The following LAMC1 variants were observed in gnomAD, a reference collection of about 807,000 sequenced individuals.
The protein encoded by LAMC1 is laminin subunit gamma 1, also known as laminin subunit gamma-1.
Under a neutral mutation model 173.6 loss-of-function variants are expected in LAMC1, and 38 were observed. The ratio of observed to expected loss-of-function variants is 0.22; its 90% confidence interval spans 0.17 to 0.29. The LOEUF (loss-of-function observed/expected upper bound fraction) is 0.29, where lower values mean the gene tolerates loss of function less well. LAMC1 is among the 10% of genes least tolerant of loss of function. The pLI is 1.00. For missense variants in LAMC1, 1,824 were observed against 2,051.8 expected (o/e 0.89, Z 2.14); for synonymous variants, 746 against 749.1 (o/e 1.00, Z 0.07).
intron 6 of LAMC1, among the ~76,000 whole-genome samples, chr1:183,116,129 C>CAA (rs10689019): frequency 0.5 from 63,608 of 126,710 alleles, 16,091 homozygotes; most frequent in South Asian, 0.65. Flanking sequence ...GACTCTGTCT[C>CAA]AAAAAAAAAA....
intron 11 of LAMC1, 93 bp downstream of exon 11, chr1:183,118,239 T>C (rs751088412): frequency 1.9e-5 from 14 of 718,398 alleles, no homozygotes; most frequent in Non-Finnish European, 3.2e-5. Flanking sequence ...CCTAATAATA[T>C]AACACTGAGA....
chr1:183,142,429 T>C, intron 27 of LAMC1, 105 bp from the exon 28 acceptor site: 1 of 1,214,508 alleles, frequency 8.2e-7, no homozygotes, highest in Non-Finnish European at 1.1e-6. Flanking sequence ...GGGCTGCCTG[T>C]GCAGAATGGC....
intron 27 of LAMC1, among the ~76,000 whole-genome samples, chr1:183,141,638 G>GT (rs1429177953): frequency 6.6e-6 from 1 of 152,168 alleles, no homozygotes; most frequent in Non-Finnish European, 1.5e-5. Flanking sequence ...TTTTGTTTTG[G>GT]TGGGGGGCTA....
intron 1 of LAMC1, among the ~76,000 whole-genome samples, chr1:183,053,759 G>A (rs1654501736): frequency 6.6e-6 from 1 of 151,936 alleles, no homozygotes; most frequent in South Asian, 2.1e-4. Flanking sequence ...TTGAGTAGCT[G>A]GGATTACAGG....
intron 13 of LAMC1, among the ~76,000 whole-genome samples, chr1:183,122,520 C>CA (rs1473146675): frequency 6.6e-6 from 1 of 152,150 alleles, no homozygotes; most frequent in African/African-American, 2.4e-5. Context: ...CTTGAGGCTT[C>CA]AAAAGCCTTT....
intron 1 of LAMC1, among the ~76,000 whole-genome samples, chr1:183,102,715 C>T (rs1655866467): frequency 6.6e-6 from 1 of 152,124 alleles, no homozygotes; most frequent in African/African-American, 2.4e-5. Context: ...TCTTTTTTCC[C>T]CCATTTCATT....
Position 183,117,529 on chromosome 1 carries a change from T to G in LAMC1, c.1688-5T>G, listed in dbSNP as rs1246966707. On this transcript the variant is annotated splice_region_variant and splice_polypyrimidine_tract_variant and intron_variant, in intron 9 of 27. Coordinates refer to ENST00000258341, the MANE Select transcript of LAMC1 (RefSeq NM_002293.4). ...TTCTTGCCCACCATTGTGTCTGTATTCCAGCAAAGTTCTTGGGCAAGCAGG... is the reference window on the plus strand; with the variant it reads ...TTCTTGCCCACCATTGTGTCTGTATGCCAGCAAAGTTCTTGGGCAAGCAGG... The G allele has an allele frequency of 6.2e-7, 1 of 1,613,716 alleles. No individual in the cohort carries two copies. Among genetic ancestry groups the G allele is most frequent in the Non-Finnish European group, 8.5e-7 (1 of 1,179,646 alleles).
chr1:183,085,000 C>T (rs1488834940), intron 1 of LAMC1, among the ~76,000 whole-genome samples: 2 of 152,046 alleles, frequency 1.3e-5, no homozygotes, highest in Non-Finnish European at 1.5e-5. Context: ...TTTGGGATCA[C>T]GAGGTCAGAA....
chr1:183,117,143 A>G (rs1656345355), intron 8 of LAMC1, among the ~76,000 whole-genome samples, 177 bp from the exon 9 acceptor site: 2 of 152,336 alleles, frequency 1.3e-5, no homozygotes, highest in Non-Finnish European at 2.9e-5. Flanking sequence ...AAAGTAAAAT[A>G]TAGTTTGAGT....
rs755229420 is a variant in LAMC1, at chr1:183,118,146, A to G, written c.1990A>G (p.Ser664Gly). ...GATACGTGGGACATACAGTGAGAGAAGTAAGTTATGATATAATTTAGGAGA... is the reference window on the plus strand; with the variant it reads ...GATACGTGGGACATACAGTGAGAGAGGTAAGTTATGATATAATTTAGGAGA... Reference protein sequence around the residue: ...IKIRGTYSERSAGYLDDVTLA... With the variant: ...IKIRGTYSERGAGYLDDVTLA... Residue 664 changes from serine (S) to glycine (G), a missense_variant and splice_region_variant, in exon 11 of 28, where the codon AGT becomes GGT. Ser to Gly is a moderately conservative substitution (Grantham distance 56, BLOSUM62 0). Transcript: ENST00000258341. 2 of 1,500,190 alleles carry G rather than the reference A, an allele frequency of 1.3e-6. No homozygotes were observed. The highest frequency in any genetic ancestry group is 1.9e-6 in the Non-Finnish European group (2 of 1,078,570). 92.9% of individuals were successfully genotyped at this position (1,500,190 alleles called of 1,614,324 possible).
At chr1:183,111,768 G>A (rs1216698616) in intron 4 of LAMC1, among the ~76,000 whole-genome samples, 1 of 142,924 alleles carries the variant, frequency 7.0e-6, no homozygotes, top group African/African-American at 2.5e-5. Flanking sequence ...GGGAACGGTG[G>A]CTAACGCCTG....
At chr1:183,133,581 C>T (rs1558060073) in intron 22 of LAMC1, 31 bp downstream of exon 22, 3 of 1,578,528 alleles carry the variant, frequency 1.9e-6, no homozygotes, top group South Asian at 1.2e-5. Context: ...CACAGCCCCA[C>T]CCCGTCTCTC....
chr1:183,052,361 G>A (rs1374544566), intron 1 of LAMC1, among the ~76,000 whole-genome samples: 2 of 151,230 alleles, frequency 1.3e-5, no homozygotes, highest in African/African-American at 4.9e-5. Context: ...TTTTGACACA[G>A]TCTCACTCTG....
rs116583811 is a variant in LAMC1 at position 183,040,265 on chromosome 1, T to C, written c.418+16131T>C. ...CATCATTTTGTGTTCAACTGCCTGG[T>C]TACTTCCTCAGGTCCCTTTTATGGT... On this transcript the variant is annotated intron_variant, in intron 1 of 27. Transcript: ENST00000258341. Among the ~76,000 whole-genome samples, 679 of 152,346 alleles carry C rather than the reference T, an allele frequency of 4.5e-3. 7 individuals are homozygous for C. Among genetic ancestry groups the C allele is most frequent in the African/African-American group, 0.015 (644 of 41,562 alleles).
chr1:183,063,560 T>C (rs923449065), intron 1 of LAMC1, among the ~76,000 whole-genome samples: 23 of 152,194 alleles, frequency 1.5e-4, no homozygotes, highest in Admixed American at 5.2e-4. Flanking sequence ...CACTAGAACA[T>C]GTGTCAGCAG....
chr1:183,117,091 A>C, intron 8 of LAMC1, 188 bp downstream of exon 8: 1 of 714,638 alleles, frequency 1.4e-6, no homozygotes, highest in East Asian at 2.8e-5. Context: ...TTTAGAATTT[A>C]TCTCAATGAA....
At chr1:183,126,362 CTCA>C in intron 16 of LAMC1, 100 bp downstream of exon 16, 6 of 1,267,276 alleles carry the variant, frequency 4.7e-6, no homozygotes, top group Non-Finnish European at 6.7e-6. Flanking sequence ...AGCCACTTGA[CTCA>C]TAGTCAGGGC....
rs1005400106 is a variant in LAMC1, at chr1:183,070,694, AT to A, written c.419-32624del. Reference sequence around the variant, plus strand: ...GGAGAAAATAAACTTTAATTTAGGGATTTTTTTTTTCCTGCTTGAATTCAGT... The same window carrying A: ...GGAGAAAATAAACTTTAATTTAGGGATTTTTTTTTCCTGCTTGAATTCAGT... On this transcript the variant is annotated intron_variant, in intron 1 of 27. Coordinates refer to ENST00000258341, the MANE Select transcript of LAMC1 (RefSeq NM_002293.4). 2.3e-4 allele frequency among the ~76,000 whole-genome samples: 34 copies of A among 150,416 alleles called. 1 individual carries two copies. Among genetic ancestry groups the A allele is most frequent in the Non-Finnish European group, 3.0e-4 (20 of 67,488 alleles).
At chr1:183,124,568 G>C in intron 13 of LAMC1, 63 bp from the exon 14 acceptor site, 1 of 1,587,810 alleles carries the variant, frequency 6.3e-7, no homozygotes, top group Non-Finnish European at 8.6e-7. Flanking sequence ...GTAGCCAGTG[G>C]TAATCTAGCA....
Sources: allele counts gnomAD v4.1 joint callset (sites outside exome capture counted in the v4.1 genomes callset), GRCh38; gene constraint gnomAD v4.1.1; transcripts MANE v1.5; gene names NCBI Gene and HGNC (gene_info 2026-07-23, HGNC 2026-07-21).